TSGA10: variants seen among roughly 807,000 people sequenced by gnomAD.
The protein encoded by TSGA10 is testis-specific gene 10 protein.
In TSGA10, 43 loss-of-function variants were observed where a neutral mutation model predicts 96.6. The observed-to-expected ratio is 0.44, with a 90% CI of 0.35 to 0.57. The LOEUF (loss-of-function observed/expected upper bound fraction) is 0.57, where lower values mean the gene tolerates loss of function less well. Ranked by LOEUF, TSGA10 falls within the 20% of genes least tolerant of loss-of-function variation. The pLI, the probability that TSGA10 is intolerant of heterozygous loss-of-function variation, is 0.01. For missense variants in TSGA10, 703 were observed against 834.4 expected (o/e 0.84, Z 1.94); for synonymous variants, 229 against 269.9 (o/e 0.85, Z 1.48).
Position 99,012,396 on chromosome 2 carries a change from T to C in TSGA10, c.2072+5804A>G, listed in dbSNP as rs143644936. On this transcript the variant is annotated intron_variant, in intron 20 of 20. Coordinates refer to ENST00000393483, the MANE Select transcript of TSGA10 (RefSeq NM_025244.4). ...ACTTAAAAGATACGGAATGGCAGAATGGATAAAAATTCACTGACTAAGTAT... is the reference window on the plus strand; with the variant it reads ...ACTTAAAAGATACGGAATGGCAGAACGGATAAAAATTCACTGACTAAGTAT... Among the ~76,000 whole-genome samples the C allele has an allele frequency of 3.9e-5, 6 of 152,230 alleles. No individual in the cohort carries two copies. In the East Asian group the frequency reaches 1.2e-3, roughly 29 times the overall value.
chr2:99,092,531 G>A (rs529315955), intron 10 of TSGA10, among the ~76,000 whole-genome samples: 9 of 152,116 alleles, frequency 5.9e-5, no homozygotes, highest in East Asian at 3.9e-4. Flanking sequence ...GACCATTAGC[G>A]AGATTTAACT....
chr2:99,060,254 A>G (rs1169534488), intron 16 of TSGA10, among the ~76,000 whole-genome samples: 1 of 152,208 alleles, frequency 6.6e-6, no homozygotes, highest in Non-Finnish European at 1.5e-5. Flanking sequence ...TTTTGTGTAT[A>G]GGCTATCAAA....
chr2:99,099,924 A>G lies in TSGA10; in HGVS notation c.611+4043T>C, dbSNP rs371936563. 1.3e-3 allele frequency among the ~76,000 whole-genome samples: 194 copies of G among 152,284 alleles called. 9 individuals carry two copies. The South Asian group carries it at 0.036, about 28-fold the overall frequency. ...TTTTTACATAACAGCCACAATTTTT[A>G]AAAACAGTTAAAATCATCTCAAAAT... On this transcript the variant is annotated intron_variant, in intron 10 of 20. Coordinates refer to ENST00000393483, the MANE Select transcript of TSGA10 (RefSeq NM_025244.4).
chr2:99,118,078 C>T (rs2092370192), intron 3 of TSGA10, among the ~76,000 whole-genome samples: 1 of 151,994 alleles, frequency 6.6e-6, no homozygotes, highest in South Asian at 2.1e-4. Flanking sequence ...AATAAAGAAA[C>T]TTCAATAGCT....
intron 16 of TSGA10, among the ~76,000 whole-genome samples, chr2:99,062,254 A>G (rs2084783894): frequency 6.6e-6 from 1 of 152,208 alleles, no homozygotes; most frequent in Non-Finnish European, 1.5e-5. Context: ...TTTCAAGGTC[A>G]TGTAGAATAT....
chr2:99,120,162 T>C (rs894305844), intron 2 of TSGA10, among the ~76,000 whole-genome samples: 4 of 152,230 alleles, frequency 2.6e-5, no homozygotes, highest in Non-Finnish European at 5.9e-5. Context: ...AACACATCAC[T>C]TGTTTCTGCA....
intron 4 of TSGA10, among the ~76,000 whole-genome samples, chr2:99,113,855 G>C (rs1046998802): frequency 6.6e-6 from 1 of 151,996 alleles, no homozygotes; most frequent in Non-Finnish European, 1.5e-5. Context: ...CCATCATCTT[G>C]ATAACAATTT....
chr2:99,089,404 A>C (rs1052921293), intron 10 of TSGA10, among the ~76,000 whole-genome samples: 3 of 152,196 alleles, frequency 2.0e-5, no homozygotes, highest in African/African-American at 7.2e-5. Flanking sequence ...TCTTGGACAG[A>C]ACTCAGGGAA....
At position 99,105,631 on chromosome 2, in the gene TSGA10, T is replaced by A; in HGVS notation, c.277A>T (p.Thr93Ser). The change falls in exon 8 of 21, where the codon ACG (threonine) becomes TCG (serine). Residue 93 changes from threonine (T) to serine (S), a missense_variant. Coordinates refer to ENST00000393483, the MANE Select transcript of TSGA10 (RefSeq NM_025244.4). ...ACTCGCCGGAGAATAGCATGTGCCGTTGTTGATTTAGGACTCTTACAGCTT... is the reference window on the plus strand; with the variant it reads ...ACTCGCCGGAGAATAGCATGTGCCGATGTTGATTTAGGACTCTTACAGCTT... ...MKSCKSPKST[T>S]AHAILRRVET... is the part of the protein sequence containing the mutation. 1 of 1,607,792 alleles carries A rather than the reference T, an allele frequency of 6.2e-7. No homozygotes were observed.
chr2:99,054,593 T>C (rs965199626), intron 16 of TSGA10, among the ~76,000 whole-genome samples: 2 of 152,126 alleles, frequency 1.3e-5, no homozygotes, highest in African/African-American at 4.8e-5. Context: ...GGAAAAAATT[T>C]GTAAACCATA....
intron 17 of TSGA10, among the ~76,000 whole-genome samples, chr2:99,024,623 T>A (rs921994588): frequency 2.6e-5 from 4 of 152,186 alleles, no homozygotes; most frequent in Non-Finnish European, 5.9e-5. Context: ...TCTTTTCCAA[T>A]CTGGATGCCT....
intron 16 of TSGA10, among the ~76,000 whole-genome samples, chr2:99,060,591 T>C (rs1024199328): frequency 1.3e-5 from 2 of 152,098 alleles, no homozygotes; most frequent in Admixed American, 6.5e-5. Flanking sequence ...GAAAATGATA[T>C]GCTCATTCTA....
intron 2 of TSGA10, chr2:99,125,680 G>A (rs1249716694): frequency 6.6e-6 from 1 of 152,174 alleles, no homozygotes; most frequent in Non-Finnish European, 1.5e-5. Context: ...AAAAAGAAGG[G>A]ACATTGCCTT....
chr2:99,040,616 T>C (rs1479997703), intron 16 of TSGA10, among the ~76,000 whole-genome samples: 1 of 152,120 alleles, frequency 6.6e-6, no homozygotes, highest in Non-Finnish European at 1.5e-5. Flanking sequence ...AGAAATCATT[T>C]ATGACACAAA....
chr2:99,031,044 G>GA (rs201564314), intron 17 of TSGA10, among the ~76,000 whole-genome samples: 2,137 of 145,842 alleles, frequency 0.015, 23 homozygotes, highest in Middle Eastern at 0.034. Context: ...AAACAATTTT[G>GA]AAAAAAAAAG....
chr2:99,145,642 T>A (rs1036651379), intron 1 of TSGA10, among the ~76,000 whole-genome samples: 2 of 152,050 alleles, frequency 1.3e-5, no homozygotes, highest in African/African-American at 4.8e-5. Context: ...CAGAGTCAGC[T>A]GATTAGCAAC....
rs189298158 is a variant in TSGA10 at position 99,002,111 on chromosome 2, A to G, written c.2073-3890T>C. Among the ~76,000 whole-genome samples the G allele has an allele frequency of 4.8e-3, 725 of 152,324 alleles. 9 individuals carry two copies. Among genetic ancestry groups the G allele is most frequent in the African/African-American group, 0.017 (689 of 41,564 alleles). ...CCCCAATCTAGCAAGGCAGGCCGAC[A>G]TTCAAATTCAGGAAATACAGAGAAC... On this transcript the variant is annotated intron_variant, in intron 20 of 20. Coordinates refer to ENST00000393483, the MANE Select transcript of TSGA10 (RefSeq NM_025244.4).
At chr2:99,042,054 T>TTTTTTTTTTTTTG in intron 16 of TSGA10, among the ~76,000 whole-genome samples, 1 of 151,510 alleles carries the variant, frequency 6.6e-6, no homozygotes, top group Non-Finnish European at 1.5e-5. Flanking sequence ...TTTTTTTTTT[T>TTTTTTTTTTTTTG]TTTTTTGAGA....
chr2:99,012,810 T>C (rs969745845), intron 20 of TSGA10, among the ~76,000 whole-genome samples: 2 of 152,108 alleles, frequency 1.3e-5, no homozygotes, highest in African/African-American at 4.8e-5. Context: ...ACTTAAACTA[T>C]ACCCTAGAAC....
Sources: gnomAD v4.1 joint callset for allele counts (sites outside exome capture counted in the v4.1 genomes callset) on GRCh38, gnomAD v4.1.1 for gene constraint, MANE v1.5 for transcripts, NCBI Gene and HGNC (gene_info 2026-07-23, HGNC 2026-07-21) for gene names.